COBL: variants seen among roughly 807,000 people sequenced by gnomAD.
The protein encoded by COBL is cordon-bleu WH2 repeat protein.
In COBL, 51 loss-of-function variants were observed where a neutral mutation model predicts 98.8. The observed-to-expected ratio is 0.52, with a 90% CI of 0.41 to 0.65. The LOEUF (loss-of-function observed/expected upper bound fraction) is 0.65, where lower values mean the gene tolerates loss of function less well. Among genes scored for constraint, COBL ranks in the 30% least tolerant of loss-of-function variants. COBL has a pLI of 0.00. For synonymous variants in COBL, 634 were observed against 651.7 expected (o/e 0.97, Z 0.41); for missense variants, 1,617 against 1,617.5 (o/e 1.00, Z 0.01).
intron 1 of COBL, among the ~76,000 whole-genome samples, chr7:51,289,631 T>C (rs1019098461): frequency 1.3e-5 from 2 of 152,264 alleles, no homozygotes; most frequent in Non-Finnish European, 1.5e-5. Flanking sequence ...TTCTGTGCCT[T>C]GCACACAGTA....
At chr7:51,215,324 C>T (rs922837948) in intron 2 of COBL, among the ~76,000 whole-genome samples, 5 of 152,202 alleles carry the variant, frequency 3.3e-5, no homozygotes, top group African/African-American at 1.2e-4. Flanking sequence ...TATTAGAAAT[C>T]GGATGTTGAT....
At chr7:51,122,059 T>C (rs116296047) in intron 6 of COBL, among the ~76,000 whole-genome samples, 2,230 of 152,160 alleles carry the variant, frequency 0.015, 56 homozygotes, top group African/African-American at 0.051. Flanking sequence ...TGCAGGAGAG[T>C]GGCGAGCTCA....
At chr7:51,200,185 T>C (rs190054749) in intron 2 of COBL, among the ~76,000 whole-genome samples, 2 of 152,306 alleles carry the variant, frequency 1.3e-5, no homozygotes, top group African/African-American at 4.8e-5. Context: ...AGTTTAAGGA[T>C]GAAGGAGAGA....
intron 1 of COBL, among the ~76,000 whole-genome samples, chr7:51,255,245 A>T (rs1244511748): frequency 1.3e-5 from 2 of 152,232 alleles, no homozygotes; most frequent in Non-Finnish European, 2.9e-5. Context: ...AGATAAAATG[A>T]GGAACTGCTG....
At chr7:51,142,645 A>G (rs988516987) in intron 5 of COBL, among the ~76,000 whole-genome samples, 7 of 152,090 alleles carry the variant, frequency 4.6e-5, no homozygotes, top group African/African-American at 1.7e-4. Context: ...TGGCCTCCCA[A>G]AGTGCTGGGA....
At chr7:51,117,186 C>T (rs1012167622) in intron 6 of COBL, among the ~76,000 whole-genome samples, 1 of 126,122 alleles carries the variant, frequency 7.9e-6, no homozygotes, top group Non-Finnish European at 1.7e-5. Context: ...TGTAGCTATG[C>T]ACAGTTTTCT....
At chr7:51,116,665 A>C (rs913974332) in intron 6 of COBL, among the ~76,000 whole-genome samples, 2 of 152,068 alleles carry the variant, frequency 1.3e-5, no homozygotes, top group Admixed American at 1.3e-4. Context: ...GACACTCTTT[A>C]TGTCTTTCTA....
At chr7:51,281,218 C>T (rs575125421) in intron 1 of COBL, among the ~76,000 whole-genome samples, 3 of 152,230 alleles carry the variant, frequency 2.0e-5, no homozygotes, top group Non-Finnish European at 4.4e-5. Flanking sequence ...ACTGACTTTG[C>T]ATACAGGTCA....
chr7:51,017,564 G>A lies in COBL; in HGVS notation c.3773C>T (p.Pro1258Leu). ...GCCTCTGTTCATTCACACGAGCAAG[G>A]GCACCTGCAGGGAAGAGAGATTCAC... ...GTGAARLRKV[P>L]LLV The change falls in exon 13 of 13, where the codon CCC becomes CTC. Residue 1258 changes from proline (P) to leucine (L), a missense_variant. Coordinates refer to ENST00000265136, the MANE Select transcript of COBL (RefSeq NM_015198.5). 6.2e-7 allele frequency: 1 copy of A among 1,613,976 alleles called. No homozygotes were observed. The highest frequency in any genetic ancestry group is 8.5e-7 in the Non-Finnish European group (1 of 1,179,868).
chr7:51,281,442 T>C (rs547944574), intron 1 of COBL, among the ~76,000 whole-genome samples: 1 of 152,290 alleles, frequency 6.6e-6, no homozygotes, highest in African/African-American at 2.4e-5. Flanking sequence ...CAGATTCAAG[T>C]AGTTCAGCAA....
intron 6 of COBL, among the ~76,000 whole-genome samples, chr7:51,093,968 T>C (rs1216683656): frequency 6.6e-6 from 1 of 150,724 alleles, no homozygotes; most frequent in African/African-American, 2.4e-5. Context: ...CTTGGATAAA[T>C]TGTTTTTTAT....
chr7:51,259,286 CAA>C (rs778118572), intron 1 of COBL: 2,117 of 76,460 alleles, frequency 0.028, 19 homozygotes, highest in East Asian at 0.1. Context: ...GACTCCAGCT[CAA>C]AAAAAAAAAA....
chr7:51,116,068 C>T (rs1431779396), intron 6 of COBL, among the ~76,000 whole-genome samples: 3 of 151,944 alleles, frequency 2.0e-5, no homozygotes, highest in African/African-American at 4.8e-5. Context: ...CCTTTTCTAC[C>T]CATTCACTTT....
At chr7:51,024,120 T>C (rs1336441873) in intron 12 of COBL, among the ~76,000 whole-genome samples, 3 of 151,998 alleles carry the variant, frequency 2.0e-5, no homozygotes, top group African/African-American at 4.8e-5. Flanking sequence ...CCATCCTGGC[T>C]AACACAGTGA....
chr7:51,203,653 G>A (rs551346867), intron 2 of COBL, among the ~76,000 whole-genome samples: 10 of 151,714 alleles, frequency 6.6e-5, no homozygotes, highest in African/African-American at 1.9e-4. Flanking sequence ...TAAATTCCTC[G>A]ACATGTACCA....
At position 51,027,891 on chromosome 7, in the gene COBL, T is replaced by G; in HGVS notation, c.3205A>C (p.Lys1069Gln). ...CCATCTGTAGAGAACACACTGGGCT[T>G]TTCCTCTCTTTCTAGGAGAATGTGG... is the stretch of plus-strand genomic sequence containing the variant. ...ESHILLEREE[K>Q]PSVFSTDGNE... is the part of the protein sequence containing the mutation. The change falls in exon 10 of 13, where the codon AAG (lysine) becomes CAG (glutamine). Residue 1069 changes from lysine to glutamine, a missense_variant. Lys to Gln is a moderately conservative substitution (Grantham distance 53, BLOSUM62 1). Transcript: ENST00000265136. The G allele has an allele frequency of 6.2e-7, 1 of 1,614,214 alleles. No homozygotes were observed. The highest frequency in any genetic ancestry group is 1.3e-5 in the African/African-American group (1 of 75,062).
At chr7:51,280,965 C>G (rs1441690628) in intron 1 of COBL, among the ~76,000 whole-genome samples, 1 of 152,020 alleles carries the variant, frequency 6.6e-6, no homozygotes, top group Non-Finnish European at 1.5e-5. Flanking sequence ...AAATAAGAGC[C>G]AGAGTACCAT....
chr7:51,127,895 G>T (rs1301330374), intron 6 of COBL, among the ~76,000 whole-genome samples: 1 of 152,170 alleles, frequency 6.6e-6, no homozygotes, highest in Non-Finnish European at 1.5e-5. Context: ...CTGGAGGATG[G>T]ACACTATAAC....
At chr7:51,301,523 C>T (rs758807474) in intron 1 of COBL, among the ~76,000 whole-genome samples, 6 of 152,224 alleles carry the variant, frequency 3.9e-5, no homozygotes, top group Non-Finnish European at 7.3e-5. Context: ...TCCTACCAGC[C>T]GTCCCTGCCG....
Sources: gnomAD v4.1 joint callset for allele counts (sites outside exome capture counted in the v4.1 genomes callset) on GRCh38, gnomAD v4.1.1 for gene constraint, MANE v1.5 for transcripts, NCBI Gene and HGNC (gene_info 2026-07-23, HGNC 2026-07-21) for gene names.